MTMR7: variants seen among roughly 807,000 people sequenced by gnomAD.
MTMR7 encodes the protein myotubularin related protein 7, also known as phosphatidylinositol-3-phosphate phosphatase MTMR7.
A neutral mutation model predicts 81.2 loss-of-function variants in MTMR7; 76 were observed. That is an observed-to-expected ratio of 0.94 (90% CI 0.78 to 1.13). The LOEUF (loss-of-function observed/expected upper bound fraction) is 1.13. Ranked by LOEUF, MTMR7 falls within the 50% of genes most tolerant of loss-of-function variation. MTMR7 has a pLI of 0.00. For synonymous variants in MTMR7, 372 were observed against 289.8 expected (o/e 1.28, Z -2.88); for missense variants, 1,044 against 820.0 (o/e 1.27, Z -3.34).
chr8:17,346,048 A>C (rs1223426417), intron 5 of MTMR7: 1 of 152,210 alleles, frequency 6.6e-6, no homozygotes, highest in Non-Finnish European at 1.5e-5. Context: ...CCTGTTTTCT[A>C]TACGGCCATC....
At chr8:17,403,811 G>T (rs1821497051) in intron 1 of MTMR7, among the ~76,000 whole-genome samples, 1 of 151,700 alleles carries the variant, frequency 6.6e-6, no homozygotes, top group East Asian at 1.9e-4. Context: ...TGTTTCCTAG[G>T]TATTTTATAT....
intron 7 of MTMR7, among the ~76,000 whole-genome samples, chr8:17,327,866 G>A (rs1385361549): frequency 6.6e-6 from 1 of 151,808 alleles, no homozygotes; most frequent in Non-Finnish European, 1.5e-5. Flanking sequence ...TCAACTTACT[G>A]TTTACTCTTT....
At chr8:17,396,726 G>T (rs1563378566) in intron 1 of MTMR7, among the ~76,000 whole-genome samples, 1 of 151,980 alleles carries the variant, frequency 6.6e-6, no homozygotes, top group Non-Finnish European at 1.5e-5. Flanking sequence ...GTAGCGTGTG[G>T]CCTAGGGAGA....
intron 6 of MTMR7, among the ~76,000 whole-genome samples, chr8:17,339,675 C>T (rs1377713725): frequency 3.3e-5 from 5 of 152,280 alleles, no homozygotes; most frequent in African/African-American, 9.6e-5. Flanking sequence ...TGGTTATTTA[C>T]ATTTTAGGCT....
intron 4 of MTMR7, among the ~76,000 whole-genome samples, chr8:17,353,924 C>T (rs1300356714): frequency 6.6e-6 from 1 of 152,212 alleles, no homozygotes; most frequent in Non-Finnish European, 1.5e-5. Context: ...CCAGGCATTA[C>T]TCTCAGCTGC....
At chr8:17,356,261 AACTT>A (rs1356167471) in intron 4 of MTMR7, among the ~76,000 whole-genome samples, 12 of 152,344 alleles carry the variant, frequency 7.9e-5, no homozygotes, top group African/African-American at 2.9e-4. Flanking sequence ...GTTACAAACT[AACTT>A]AATCATACGG....
At chr8:17,315,109 A>C (rs981764653) in intron 7 of MTMR7, among the ~76,000 whole-genome samples, 10 of 152,228 alleles carry the variant, frequency 6.6e-5, no homozygotes, top group Admixed American at 5.9e-4. Flanking sequence ...ACAATATTTA[A>C]ACATATGAAG....
At chr8:17,309,769 A>G (rs1434191756) in intron 9 of MTMR7, among the ~76,000 whole-genome samples, 1 of 152,212 alleles carries the variant, frequency 6.6e-6, no homozygotes, top group Non-Finnish European at 1.5e-5. Context: ...CCAATGTGTG[A>G]TGCTGCCTCT....
At chr8:17,376,507 C>A (rs1820593557) in intron 1 of MTMR7, among the ~76,000 whole-genome samples, 1 of 152,136 alleles carries the variant, frequency 6.6e-6, no homozygotes, top group Admixed American at 6.5e-5. Context: ...TTTTGAAGAG[C>A]TTCTGGACTA....
chr8:17,334,675 C>T (rs1054919968), intron 6 of MTMR7, among the ~76,000 whole-genome samples: 1 of 152,202 alleles, frequency 6.6e-6, no homozygotes, highest in African/African-American at 2.4e-5. Flanking sequence ...TCAAAAGAAG[C>T]TGTTCCTGTT....
chr8:17,354,339 T>G (rs960885536), intron 4 of MTMR7, among the ~76,000 whole-genome samples: 3 of 152,112 alleles, frequency 2.0e-5, no homozygotes, highest in African/African-American at 7.2e-5. Flanking sequence ...AACTGACTGG[T>G]TTGGGTTGTA....
chr8:17,357,839 C>T (rs1222944716), intron 4 of MTMR7, among the ~76,000 whole-genome samples: 1 of 152,208 alleles, frequency 6.6e-6, no homozygotes, highest in Non-Finnish European at 1.5e-5. Flanking sequence ...CCCTGGCATT[C>T]ATTCCGTTAT....
At chr8:17,348,902 T>G in intron 5 of MTMR7, 51 bp downstream of exon 5, 1 of 1,609,244 alleles carries the variant, frequency 6.2e-7, no homozygotes, top group South Asian at 1.1e-5. Context: ...TGCCTGCTTA[T>G]GATAAACTAG....
chr8:17,375,213 G>A (rs1428968280), intron 1 of MTMR7, among the ~76,000 whole-genome samples: 1 of 152,038 alleles, frequency 6.6e-6, no homozygotes, highest in East Asian at 1.9e-4. Context: ...AACACCAAGA[G>A]CAAACAGGAC....
rs11400421 is a variant in MTMR7 at position 17,359,584 on chromosome 8, T to TAAAAA, written c.468+1528_468+1532dup. Among the ~76,000 whole-genome samples, 836 of 135,576 alleles carry TAAAAA rather than the reference T, an allele frequency of 6.2e-3. 4 individuals are homozygous for TAAAAA. The highest frequency in any genetic ancestry group is 0.016 in the African/African-American group (538 of 34,702). 88.9% of individuals were successfully genotyped at this position (135,576 alleles called of 152,430 possible). On this transcript the variant is annotated intron_variant, in intron 4 of 13. Transcript: ENST00000180173. ...GTAACAGAGTGAAACCCTGTTTCCT[T>TAAAAA]AAAAAAAAAAAAAAACCTGAAAGAA...
At chr8:17,348,804 T>A in intron 5 of MTMR7, 149 bp downstream of exon 5, 2 of 880,322 alleles carry the variant, frequency 2.3e-6, no homozygotes, top group Non-Finnish European at 3.6e-6. Flanking sequence ...AGCATAGTTG[T>A]ATCATGTCAT....
At chr8:17,402,066 C>G (rs1821443583) in intron 1 of MTMR7, among the ~76,000 whole-genome samples, 1 of 152,062 alleles carries the variant, frequency 6.6e-6, no homozygotes, top group Admixed American at 6.6e-5. Context: ...TTCAGTCTAT[C>G]AATAAAATTC....
intron 3 of MTMR7, among the ~76,000 whole-genome samples, chr8:17,368,188 G>C (rs934729715): frequency 1.3e-5 from 2 of 152,080 alleles, no homozygotes; most frequent in South Asian, 2.1e-4. Flanking sequence ...TAGAGTTCAT[G>C]CTCCTAAGAG....
At chr8:17,354,880 T>C (rs1055155427) in intron 4 of MTMR7, among the ~76,000 whole-genome samples, 1 of 152,206 alleles carries the variant, frequency 6.6e-6, no homozygotes, top group African/African-American at 2.4e-5. Context: ...CTTCCTCCCA[T>C]TTCGGTGATA....
Sources: gnomAD v4.1 joint callset for allele counts (sites outside exome capture counted in the v4.1 genomes callset) on GRCh38, gnomAD v4.1.1 for gene constraint, MANE v1.5 for transcripts, NCBI Gene and HGNC (gene_info 2026-07-23, HGNC 2026-07-21) for gene names.